Variants in ANK3 observed in about 807,000 individuals in gnomAD.
ANK3 encodes the protein ankyrin-3.
ANK3 carries 57 observed loss-of-function variants against 370.9 expected under a neutral mutation model. The ratio of observed to expected loss-of-function variants is 0.15; its 90% CI spans 0.12 to 0.19. ANK3 has a LOEUF of 0.19. ANK3 is among the 10% of genes least tolerant of loss of function. ANK3 has a pLI of 1.00. For missense variants in ANK3, 4,439 were observed against 5,302.1 expected (o/e 0.84, Z 5.06); for synonymous variants, 1,929 against 1,946.3 (o/e 0.99, Z 0.23).
intron 2 of ANK3, among the ~76,000 whole-genome samples, chr10:60,583,997 T>C (rs1479719960): frequency 6.6e-6 from 1 of 152,186 alleles, no homozygotes; most frequent in Non-Finnish European, 1.5e-5. Context: ...AACCATCACA[T>C]TGTACCCCCA....
At chr10:60,243,535 A>C (rs1032008360) in intron 7 of ANK3, among the ~76,000 whole-genome samples, 5 of 152,188 alleles carry the variant, frequency 3.3e-5, no homozygotes, top group African/African-American at 1.2e-4. Flanking sequence ...GAACTATAAG[A>C]AATTTTTTTC....
intron 1 of ANK3, among the ~76,000 whole-genome samples, chr10:60,371,102 A>G (rs2060051061): frequency 6.6e-6 from 1 of 151,960 alleles, no homozygotes; most frequent in Non-Finnish European, 1.5e-5. Context: ...TTTTCAAAGC[A>G]TTTCTATCTG....
intron 18 of ANK3, among the ~76,000 whole-genome samples, chr10:60,176,368 C>CCA (rs1555069902): frequency 5.9e-5 from 6 of 102,352 alleles, no homozygotes; most frequent in African/African-American, 2.2e-4. Context: ...CTCTGTCTCC[C>CCA]AAAAAAAAAA....
intron 2 of ANK3, among the ~76,000 whole-genome samples, chr10:60,528,870 G>C (rs2076539636): frequency 6.6e-6 from 1 of 152,102 alleles, no homozygotes; most frequent in African/African-American, 2.4e-5. Flanking sequence ...ATTCAGTACA[G>C]ATGCTGAGTT....
At position 60,261,943 on chromosome 10, in the gene ANK3, C is replaced by G; in HGVS notation, c.714G>C (p.Pro238=). The change falls in exon 7 of 44, where the codon CCG becomes CCC. Residue 238 remains proline, a synonymous_variant. Coordinates refer to ENST00000280772, the MANE Select transcript of ANK3 (RefSeq NM_020987.5). ...TTCCATAGTGAGCAGCTATGTGGAG[C>G]GGAGTGAAGCCACTCTGTAAAGAAA... The part of the protein sequence containing the change: ...ADVESKSGFT[P]LHIAAHYGNI... 1 of 1,613,606 alleles carries G rather than the reference C, an allele frequency of 6.2e-7. No individual in the cohort carries two copies. Among genetic ancestry groups the G allele is most frequent in the Non-Finnish European group, 8.5e-7 (1 of 1,179,712 alleles).
intron 2 of ANK3, among the ~76,000 whole-genome samples, chr10:60,397,579 C>A (rs2063268586): frequency 6.6e-6 from 1 of 152,186 alleles, no homozygotes; most frequent in Admixed American, 6.5e-5. Flanking sequence ...GATTGGCACT[C>A]AGGGTTCCTG....
intron 1 of ANK3, among the ~76,000 whole-genome samples, chr10:60,648,791 G>C (rs962394459): frequency 2.2e-5 from 2 of 92,068 alleles, no homozygotes; most frequent in East Asian, 2.9e-4. Context: ...AAAAATTCTT[G>C]CTGGGAGTAG....
chr10:60,237,187 A>C (rs2097347093), intron 7 of ANK3, among the ~76,000 whole-genome samples: 1 of 152,204 alleles, frequency 6.6e-6, no homozygotes, highest in Admixed American at 6.5e-5. Context: ...GAAGGAAATA[A>C]ATTTCATGAC....
chr10:60,562,878 C>T (rs1002432674), intron 2 of ANK3, among the ~76,000 whole-genome samples: 18 of 152,228 alleles, frequency 1.2e-4, no homozygotes, highest in African/African-American at 4.1e-4. Context: ...ATGTGCTAAT[C>T]GTGCAATATT....
intron 23 of ANK3, chr10:60,141,104 G>T: frequency 2.3e-6 from 2 of 870,710 alleles, no homozygotes; most frequent in Non-Finnish European, 2.8e-6. Context: ...CTTGAGTTGA[G>T]GTTGTGAAAC....
At chr10:60,284,147 A>C (rs1363454507) in intron 1 of ANK3, among the ~76,000 whole-genome samples, 1 of 152,170 alleles carries the variant, frequency 6.6e-6, no homozygotes, top group East Asian at 1.9e-4. Flanking sequence ...GATGATGGCC[A>C]AGTGAAGAAA....
intron 42 of ANK3, chr10:60,051,665 T>TTC (rs1491259030): frequency 1.6e-4 from 13 of 79,520 alleles, no homozygotes; most frequent in South Asian, 1.3e-3. Context: ...TGTTTTCTTC[T>TTC]TTTTTTTTTT....
intron 18 of ANK3, among the ~76,000 whole-genome samples, chr10:60,175,573 G>T (rs2095909253): frequency 6.6e-6 from 1 of 152,050 alleles, no homozygotes; most frequent in South Asian, 2.1e-4. Flanking sequence ...CCTTCCTTTG[G>T]GCAACACTGG....
Position 60,693,172 on chromosome 10 carries a change from AC to A in ANK3, c.57+40090del, listed in dbSNP as rs745369394. Among the ~76,000 whole-genome samples, 15 of 152,292 alleles carry A rather than the reference AC, an allele frequency of 9.8e-5. No individual in the cohort carries two copies. In the East Asian group the frequency reaches 1.9e-3, roughly 20 times the overall value. On this transcript the variant is annotated intron_variant, in intron 1 of 43. Coordinates refer to the ANK3 transcript ENST00000373827. ...GCACCTGGAAAATCGGGTCACTCCC[AC>A]CCCGAATACTGCACTTTTCTGATGG...
chr10:60,367,017 A>G (rs2059472912), intron 1 of ANK3, among the ~76,000 whole-genome samples: 1 of 152,222 alleles, frequency 6.6e-6, no homozygotes, highest in Admixed American at 6.5e-5. Context: ...AGGAGAGAAT[A>G]TATATCCTCC....
At chr10:60,305,988 A>AT (rs142632967) in intron 1 of ANK3, among the ~76,000 whole-genome samples, 21,733 of 151,296 alleles carry the variant, frequency 0.14, 1,655 homozygotes, top group African/African-American at 0.17. Flanking sequence ...GTAAAAATAC[A>AT]TTTTTTTTTC....
At position 60,208,144 on chromosome 10, in the gene ANK3, A is replaced by G. The variant is rs982181749; in HGVS notation, c.1086T>C (p.Asp362=). Reference sequence around the variant, plus strand: ...GGGCAGTCAGGTAGTCATTGGTGACATCATCCACGGGTACATTATGCTGGA... The same window carrying G: ...GGGCAGTCAGGTAGTCATTGGTGACGTCATCCACGGGTACATTATGCTGGA... The part of the protein sequence containing the change: ...LLLQHNVPVD[D]VTNDYLTALH... Residue 362 remains aspartate, a synonymous_variant, in exon 10 of 44, where the codon GAT becomes GAC. Transcript: ENST00000280772. 6.2e-7 allele frequency: 1 copy of G among 1,614,148 alleles called. No homozygotes were observed. Among genetic ancestry groups the G allele is most frequent in the South Asian group, 1.1e-5 (1 of 91,080 alleles).
chr10:60,515,245 C>T (rs931043795), intron 2 of ANK3, among the ~76,000 whole-genome samples: 2 of 152,088 alleles, frequency 1.3e-5, no homozygotes, highest in African/African-American at 2.4e-5. Flanking sequence ...GCAAATACTT[C>T]CCAGTGTTCT....
chr10:60,320,931 C>T (rs2048497582), intron 1 of ANK3, among the ~76,000 whole-genome samples: 1 of 152,164 alleles, frequency 6.6e-6, no homozygotes, highest in Non-Finnish European at 1.5e-5. Context: ...TCCCAGCAAG[C>T]TCTGTCACTA....
Sources: gnomAD v4.1 joint callset for allele counts (sites outside exome capture counted in the v4.1 genomes callset) on GRCh38, gnomAD v4.1.1 for gene constraint, MANE v1.5 for transcripts, NCBI Gene and HGNC (gene_info 2026-07-23, HGNC 2026-07-21) for gene names.